Variants in WDFY4 observed in about 807,000 individuals in gnomAD.
WDFY4 encodes WDFY family member 4.
Under a neutral mutation model 351.9 loss-of-function variants are expected in WDFY4, and 169 were observed. The observed-to-expected ratio is 0.48, with a 90% confidence interval of 0.42 to 0.55. The LOEUF (loss-of-function observed/expected upper bound fraction) is 0.55. Among genes scored for constraint, WDFY4 ranks in the 20% least tolerant of loss-of-function variants. WDFY4 has a pLI of 0.00. For missense variants in WDFY4, 3,803 were observed against 3,935.6 expected (o/e 0.97, Z 0.90); for synonymous variants, 1,622 against 1,574.6 (o/e 1.03, Z -0.71).
At chr10:48,815,116 G>A (rs188072168) in intron 31 of WDFY4, among the ~76,000 whole-genome samples, 84 of 152,234 alleles carry the variant, frequency 5.5e-4, no homozygotes, top group African/African-American at 1.5e-3. Flanking sequence ...GCCTTCAGGC[G>A]TTTTCTTTTG....
At chr10:48,910,633 G>A (rs1226617291) in intron 47 of WDFY4, among the ~76,000 whole-genome samples, 1 of 152,148 alleles carries the variant, frequency 6.6e-6, no homozygotes, top group African/African-American at 2.4e-5. Context: ...TGTCTGACTT[G>A]AATGCATTGA....
chr10:48,724,519 A>C (rs2064199820), intron 5 of WDFY4, among the ~76,000 whole-genome samples: 1 of 152,104 alleles, frequency 6.6e-6, no homozygotes, highest in Non-Finnish European at 1.5e-5. Flanking sequence ...TGCACCAGGC[A>C]CTTTCACAAA....
At chr10:48,822,761 G>C (rs900195582) in intron 35 of WDFY4, among the ~76,000 whole-genome samples, 5 of 152,208 alleles carry the variant, frequency 3.3e-5, no homozygotes, top group African/African-American at 1.2e-4. Flanking sequence ...GGGATTGGAA[G>C]CCTCAGCTCC....
At chr10:48,912,029 T>G (rs11101560) in intron 47 of WDFY4, among the ~76,000 whole-genome samples, 219 of 152,278 alleles carry the variant, frequency 1.4e-3, no homozygotes, top group Middle Eastern at 6.8e-3. Context: ...CTCAGCAAAC[T>G]TGCCAACAAC....
intron 19 of WDFY4, among the ~76,000 whole-genome samples, chr10:48,782,193 G>A (rs190450249): frequency 2.6e-5 from 4 of 152,364 alleles, no homozygotes; most frequent in Non-Finnish European, 5.9e-5. Context: ...GATGGGATGT[G>A]TGGTGTCTTT....
At chr10:48,751,204 GGGA>G (rs1281755277) in intron 12 of WDFY4, among the ~76,000 whole-genome samples, 1 of 152,184 alleles carries the variant, frequency 6.6e-6, no homozygotes, top group Non-Finnish European at 1.5e-5. Flanking sequence ...ATGAAGTCTG[GGGA>G]GGAGGTCAGC....
At chr10:48,943,696 G>A (rs1044221327) in intron 49 of WDFY4, among the ~76,000 whole-genome samples, 1 of 152,082 alleles carries the variant, frequency 6.6e-6, no homozygotes, top group Non-Finnish European at 1.5e-5. Context: ...GGGTTCAAGC[G>A]ATTCTCCTGC....
chr10:48,831,187 G>T (rs1020780516), intron 38 of WDFY4, among the ~76,000 whole-genome samples: 1 of 152,156 alleles, frequency 6.6e-6, no homozygotes, highest in South Asian at 2.1e-4. Context: ...TGAGGTTCTA[G>T]GTCCTACCCT....
chr10:48,887,718 G>A (rs1002215406), intron 43 of WDFY4, among the ~76,000 whole-genome samples: 5 of 151,378 alleles, frequency 3.3e-5, no homozygotes, highest in African/African-American at 9.7e-5. Flanking sequence ...GGCGGAGCTT[G>A]CAGTGAGTGG....
rs542992762 is a variant in WDFY4 at position 48,933,020 on chromosome 10, G to A, written c.7587-8786G>A. On this transcript the variant is annotated intron_variant, in intron 47 of 61. Coordinates refer to ENST00000325239, the MANE Select transcript of WDFY4 (RefSeq NM_001394531.1). The stretch of plus-strand genomic sequence containing the variant: ...GCCTTCTATAAGGATAACGCTGGCC[G>A]TGGGGAGGCAGCAGAGGCAGGGAAG... 1.2e-4 allele frequency among the ~76,000 whole-genome samples: 18 copies of A among 152,274 alleles called. 1 individual carries two copies. In the Middle Eastern group the frequency reaches 0.014, roughly 115 times the overall value.
At chr10:48,918,898 TGTCCACTGA>T (rs1838794058) in intron 47 of WDFY4, among the ~76,000 whole-genome samples, 1 of 152,170 alleles carries the variant, frequency 6.6e-6, no homozygotes, top group African/African-American at 2.4e-5. Flanking sequence ...CATTGCCAAA[TGTCCACTGA>T]GGAGCAAAAT....
chr10:48,941,923 G>A, intron 48 of WDFY4, 75 bp downstream of exon 48: 1 of 1,369,896 alleles, frequency 7.3e-7, no homozygotes, highest in Non-Finnish European at 1.0e-6. Flanking sequence ...GCGATGGAGA[G>A]GAAGTGTGTG....
intron 57 of WDFY4, among the ~76,000 whole-genome samples, chr10:48,974,654 C>A (rs1175527259): frequency 6.6e-6 from 1 of 152,034 alleles, no homozygotes; most frequent in Non-Finnish European, 1.5e-5. Context: ...AGAGCCTCCA[C>A]CCCTGGAGAT....
At chr10:48,973,602 G>A (rs540084393) in intron 57 of WDFY4, among the ~76,000 whole-genome samples, 4 of 152,330 alleles carry the variant, frequency 2.6e-5, no homozygotes, top group South Asian at 2.1e-4. Context: ...GTGCCCCTCC[G>A]GCTGAGTCCA....
At chr10:48,694,685 C>T (rs911262119) in intron 1 of WDFY4, among the ~76,000 whole-genome samples, 2 of 152,164 alleles carry the variant, frequency 1.3e-5, no homozygotes, top group African/African-American at 2.4e-5. Context: ...GCAGGGCCCT[C>T]TCACCATGCA....
intron 43 of WDFY4, among the ~76,000 whole-genome samples, chr10:48,880,699 C>T (rs1397607427): frequency 3.3e-5 from 5 of 152,180 alleles, no homozygotes; most frequent in Non-Finnish European, 2.9e-5. Flanking sequence ...GGCAGAGTGA[C>T]CCTTGCCATT....
chr10:48,875,391 G>A (rs906412862), intron 42 of WDFY4, among the ~76,000 whole-genome samples: 8 of 152,168 alleles, frequency 5.3e-5, no homozygotes, highest in African/African-American at 1.9e-4. Context: ...TTGTCAATTT[G>A]CTATATCAGG....
At chr10:48,892,906 G>A (rs1235918714) in intron 44 of WDFY4, among the ~76,000 whole-genome samples, 8 of 152,188 alleles carry the variant, frequency 5.3e-5, no homozygotes, top group Non-Finnish European at 1.0e-4. Flanking sequence ...CTTGTAGTAA[G>A]TCCCTTTCTT....
chr10:48,961,186 T>C (rs78443613), intron 53 of WDFY4, among the ~76,000 whole-genome samples: 6,122 of 152,302 alleles, frequency 0.04, 396 homozygotes, highest in African/African-American at 0.14. Flanking sequence ...TGTTTTATTC[T>C]TGCCTCTGGA....
Sources: allele counts gnomAD v4.1 joint callset (sites outside exome capture counted in the v4.1 genomes callset), GRCh38; gene constraint gnomAD v4.1.1; transcripts MANE v1.5; gene names NCBI Gene and HGNC (gene_info 2026-07-23, HGNC 2026-07-21).